The following STAM2 variants were observed in gnomAD, a reference collection of about 807,000 sequenced individuals.
STAM2 encodes signal transducing adapter molecule 2.
A neutral mutation model predicts 65.6 loss-of-function variants in STAM2; 51 were observed. The observed-to-expected ratio is 0.78, with a 90% confidence interval of 0.62 to 0.98. The LOEUF (loss-of-function observed/expected upper bound fraction) is 0.98. STAM2 is among the 50% of genes least tolerant of loss of function. The probability of loss-of-function intolerance (pLI) is 0.00; values close to 1 mark genes in which losing one functional copy is unlikely to be tolerated. For synonymous variants in STAM2, 198 were observed against 208.4 expected, an observed-to-expected ratio of 0.95 and a Z score of 0.43; for missense variants, 584 against 617.8, an observed-to-expected ratio of 0.95 and a Z score of 0.58.
intron 1 of STAM2, among the ~76,000 whole-genome samples, chr2:152,151,930 G>A (rs1180429508): frequency 6.6e-6 from 1 of 152,048 alleles, no homozygotes; most frequent in Non-Finnish European, 1.5e-5. Context: ...CATCTGGGTT[G>A]GTTGGTTGGT....
intron 1 of STAM2, among the ~76,000 whole-genome samples, chr2:152,169,934 T>A (rs895793199): frequency 3.3e-5 from 5 of 150,962 alleles, no homozygotes; most frequent in Admixed American, 6.6e-5. Flanking sequence ...GCCTCCCAGG[T>A]TCAAGTGATT....
chr2:152,174,546 G>A (rs1479343282), intron 1 of STAM2, among the ~76,000 whole-genome samples: 1 of 152,118 alleles, frequency 6.6e-6, no homozygotes, highest in Non-Finnish European at 1.5e-5. Flanking sequence ...ATCAGAATAG[G>A]GCACTTTCTA....
At chr2:152,144,798 A>G in intron 6 of STAM2, 90 bp downstream of exon 6, 1 of 1,085,036 alleles carries the variant, frequency 9.2e-7, no homozygotes, top group Non-Finnish European at 1.4e-6. Flanking sequence ...CGGCCTCCCA[A>G]AGTGCTGGGA....
At chr2:152,152,944 G>A (rs1286296382) in intron 1 of STAM2, among the ~76,000 whole-genome samples, 1 of 152,166 alleles carries the variant, frequency 6.6e-6, no homozygotes, top group African/African-American at 2.4e-5. Context: ...TTATTAAGTT[G>A]TACAGTATGT....
chr2:152,168,138 C>A (rs1371451330), intron 1 of STAM2, among the ~76,000 whole-genome samples: 3 of 151,408 alleles, frequency 2.0e-5, no homozygotes, highest in East Asian at 3.9e-4. Flanking sequence ...TGATATCCTA[C>A]CCTACATACT....
intron 1 of STAM2, among the ~76,000 whole-genome samples, chr2:152,151,979 GC>G (rs941710058): frequency 4.6e-5 from 7 of 152,088 alleles, no homozygotes; most frequent in African/African-American, 1.7e-4. Flanking sequence ...TCACTCTGTT[GC>G]CCAGGCTGGT....
chr2:152,144,153 T>G, intron 6 of STAM2, 140 bp from the exon 7 acceptor site: 57 of 466,232 alleles, frequency 1.2e-4, no homozygotes, highest in East Asian at 3.0e-4. Flanking sequence ...TTCGGGAGGG[T>G]GGGGCAGGGC....
intron 1 of STAM2, among the ~76,000 whole-genome samples, chr2:152,160,885 C>A (rs1689659241): frequency 6.7e-6 from 1 of 150,340 alleles, no homozygotes; most frequent in African/African-American, 2.5e-5. Flanking sequence ...GGGGGGTCAG[C>A]CCCCCGCCTG....
In STAM2 at chr2:152,119,665, ATCT is replaced by A. The variant is rs1362380059; in HGVS notation, c.*906_*908del. On this transcript the variant is annotated 3_prime_UTR_variant, in exon 14 of 14. Transcript: ENST00000263904. ...GCAGGAAGAAAAACAAATGGACCAT[ATCT>A]TCATTAGAGAATAGCCAAAATCACT... 6 of 152,354 alleles carry A rather than the reference ATCT, an allele frequency of 3.9e-5. No individual in the cohort carries two copies. Among genetic ancestry groups the A allele is most frequent in the African/African-American group, 1.4e-4 (6 of 41,586 alleles). The allele number at this position is 152,354 out of a possible 1,614,324, so 9.4% of individuals were successfully genotyped here. A position where few individuals can be genotyped will look rare whatever the true frequency, so the allele number is the denominator to read the frequency against.
Position 152,148,254 on chromosome 2 carries a change from C to T in STAM2, c.172G>A (p.Val58Ile), listed in dbSNP as rs753827424. Reference sequence around the variant, plus strand: ...AGTGCTTGCAGAGCAACATGTGGAACCTTATGATTTACCCTTTTCATTATG... The same window carrying T: ...AGTGCTTGCAGAGCAACATGTGGAATCTTATGATTTACCCTTTTCATTATG... ...KAIMKRVNHKVPHVALQALTL... is the reference protein window; with the variant it reads ...KAIMKRVNHKIPHVALQALTL... The change falls in exon 3 of 14, where the codon GTT becomes ATT. Residue 58 changes from valine to isoleucine, a missense_variant. Coordinates refer to ENST00000263904, the MANE Select transcript of STAM2 (RefSeq NM_005843.6). The T allele has an allele frequency of 6.2e-7, 1 of 1,611,204 alleles. No homozygotes were observed. The highest frequency in any genetic ancestry group is 8.5e-7 in the Non-Finnish European group (1 of 1,179,012).
intron 2 of STAM2, among the ~76,000 whole-genome samples, chr2:152,148,736 T>C (rs370022657): frequency 6.6e-6 from 1 of 152,012 alleles, no homozygotes; most frequent in East Asian, 1.9e-4. Context: ...AATAAATCTA[T>C]AAAATGATTT....
In STAM2 at chr2:152,148,272, T is replaced by G; in HGVS notation, c.154A>C (p.Lys52Gln). 6.2e-7 allele frequency: 1 copy of G among 1,611,668 alleles called. No homozygotes were observed. Among genetic ancestry groups the G allele is most frequent in the Admixed American group, 1.7e-5 (1 of 59,750 alleles). Residue 52 changes from lysine (K) to glutamine (Q), a missense_variant, in exon 3 of 14, where the codon AAA (lysine) becomes CAA (glutamine). Physicochemically the swap from Lys to Gln is moderately conservative, Grantham distance 53 (BLOSUM62 1). Transcript: ENST00000263904. ...GAKDCLKAIM[K>Q]RVNHKVPHVA... Reference sequence around the variant, plus strand: ...TGTGGAACCTTATGATTTACCCTTTTCATTATGGCTTTTAGGCAATCTTTC... The same window carrying G: ...TGTGGAACCTTATGATTTACCCTTTGCATTATGGCTTTTAGGCAATCTTTC...
At chr2:152,134,535 C>T (rs970328783) in intron 8 of STAM2, among the ~76,000 whole-genome samples, 4 of 152,182 alleles carry the variant, frequency 2.6e-5, no homozygotes, top group South Asian at 4.1e-4. Context: ...CGATGTTACA[C>T]ATGCATAATG....
Position 152,120,395 on chromosome 2 carries a change from G to GAAAAA in STAM2, c.*174_*178dup, listed in dbSNP as rs58778946. 18 of 305,200 alleles carry GAAAAA rather than the reference G, an allele frequency of 5.9e-5. No individual in the cohort carries two copies. The highest frequency in any genetic ancestry group is 1.2e-4 in the South Asian group (3 of 24,622). The allele number at this position is 305,200 out of a possible 1,614,324, so 18.9% of individuals were successfully genotyped here. On this transcript the variant is annotated 3_prime_UTR_variant, in exon 14 of 14. Transcript: ENST00000263904. ...AGATTGACTTCAAACAAACTGGACT[G>GAAAAA]AAAAAAAAAAAAAAAAAAAACCTTT...
chr2:152,168,228 T>C (rs1689830661), intron 1 of STAM2, among the ~76,000 whole-genome samples: 1 of 152,056 alleles, frequency 6.6e-6, no homozygotes. Flanking sequence ...TGGCGCGATC[T>C]TGGCTCACTG....
At chr2:152,144,532 C>T (rs539306518) in intron 6 of STAM2, among the ~76,000 whole-genome samples, 2 of 152,218 alleles carry the variant, frequency 1.3e-5, no homozygotes, top group South Asian at 4.1e-4. Flanking sequence ...AAAAAATGTT[C>T]TGGCAAATAC....
chr2:152,120,768 T>C lies in STAM2; in HGVS notation c.1384A>G (p.Met462Val), dbSNP rs767008329. The C allele has an allele frequency of 2.5e-6, 4 of 1,614,194 alleles. No homozygotes were observed. The highest frequency in any genetic ancestry group is 3.4e-6 in the Non-Finnish European group (4 of 1,180,032). ...GQDTVSNPTY[M>V]NQNSNLQSAT... ...GACTGTAGGTTAGAGTTCTGGTTCA[T>C]ATAAGTAGGATTGGAAACAGTGTCT... The change falls in exon 14 of 14, where the codon ATG (methionine) becomes GTG (valine). Residue 462 changes from methionine (M) to valine (V), a missense_variant. Met to Val is a conservative substitution (Grantham distance 21, BLOSUM62 1). Coordinates refer to ENST00000263904, the MANE Select transcript of STAM2 (RefSeq NM_005843.6).
Position 152,123,861 on chromosome 2 carries a change from A to C in STAM2, c.1254T>G (p.Tyr418Ter). The change falls in exon 13 of 14, where the codon TAT becomes TAG. Residue 418 changes from tyrosine to a stop codon, truncating the protein, a stop_gained. Transcript: ENST00000263904. LOFTEE classifies it high-confidence loss of function. ...SIHQVTVAQS[Y>*]SLGPDQIGPL... ...GACCAATTTGATCGGGTCCTAGGCT[A>C]TAGCTTTGGGCAACAGTTACTTGGT... 1 of 1,614,156 alleles carries C rather than the reference A, an allele frequency of 6.2e-7. No individual in the cohort carries two copies. The highest frequency in any genetic ancestry group is 8.5e-7 in the Non-Finnish European group (1 of 1,180,002).
chr2:152,171,788 T>C (rs779149210), intron 1 of STAM2, among the ~76,000 whole-genome samples: 1 of 152,198 alleles, frequency 6.6e-6, no homozygotes, highest in Non-Finnish European at 1.5e-5. Flanking sequence ...AGCGTATCTT[T>C]AAAGGAAATA....
Sources: allele counts gnomAD v4.1 joint callset (sites outside exome capture counted in the v4.1 genomes callset), GRCh38; gene constraint gnomAD v4.1.1; transcripts MANE v1.5; gene names NCBI Gene and HGNC (gene_info 2026-07-23, HGNC 2026-07-21).